Variants in ARSG observed in about 807,000 individuals in gnomAD.
The protein encoded by ARSG is arylsulfatase G, also known as ASG.
Under a neutral mutation model 50.5 loss-of-function variants are expected in ARSG, and 37 were observed. The ratio of observed to expected loss-of-function variants is 0.73; its 90% CI spans 0.56 to 0.96. The LOEUF (loss-of-function observed/expected upper bound fraction) is 0.96, where lower values mean the gene tolerates loss of function less well. Among genes scored for constraint, ARSG ranks in the 50% least tolerant of loss-of-function variants. The probability of loss-of-function intolerance (pLI) is 0.00; values close to 1 mark genes in which losing one functional copy is unlikely to be tolerated. For missense variants in ARSG, 629 were observed against 675.3 expected (o/e 0.93, Z 0.76); for synonymous variants, 225 against 254.6 (o/e 0.88, Z 1.11).
At chr17:68,384,632 A>G (rs1199262999) in intron 8 of ARSG, among the ~76,000 whole-genome samples, 1 of 152,206 alleles carries the variant, frequency 6.6e-6, no homozygotes, top group African/African-American at 2.4e-5. Flanking sequence ...TAATAGTTGT[A>G]TTTCTTCATC....
chr17:68,365,265 T>A (rs1230738572), intron 6 of ARSG, among the ~76,000 whole-genome samples: 1 of 152,164 alleles, frequency 6.6e-6, no homozygotes. Flanking sequence ...TGAGCCAAGA[T>A]CGCGCCACTG....
chr17:68,291,912 T>C (rs1555756292), intron 1 of ARSG, among the ~76,000 whole-genome samples: 1 of 151,448 alleles, frequency 6.6e-6, no homozygotes, highest in East Asian at 2.0e-4. Flanking sequence ...CGCGCGGCGC[T>C]CGCGGCTGCG....
In ARSG at chr17:68,385,107, G is replaced by T. The variant is rs77667421; in HGVS notation, c.1026G>T (p.Arg342=). ...AGACGACCTGGGAAGGAGGGCACCG[G>T]GTCCCAGCACTGGCTTACTGGCCTG... is the stretch of plus-strand genomic sequence containing the variant. ...AKQTTWEGGH[R]VPALAYWPGR... is the part of the protein sequence containing the mutation. The change falls in exon 9 of 12, where the codon CGG becomes CGT. Residue 342 remains arginine (R), a synonymous_variant. Coordinates refer to ENST00000621439, the MANE Select transcript of ARSG (RefSeq NM_001267727.2). 20 of 1,614,032 alleles carry T rather than the reference G, an allele frequency of 1.2e-5. No individual in the cohort carries two copies. The highest frequency in any genetic ancestry group is 1.6e-5 in the Non-Finnish European group (19 of 1,179,994).
intron 4 of ARSG, among the ~76,000 whole-genome samples, chr17:68,347,563 C>T (rs909457248): frequency 6.6e-6 from 1 of 152,206 alleles, no homozygotes; most frequent in Admixed American, 6.5e-5. Context: ...TAGACCCAAA[C>T]AGGAGATGCT....
At chr17:68,386,050 T>C (rs2080707521) in intron 9 of ARSG, among the ~76,000 whole-genome samples, 1 of 152,294 alleles carries the variant, frequency 6.6e-6, no homozygotes, top group East Asian at 1.9e-4. Context: ...ATCAGGTAAA[T>C]GTGATGTCTC....
intron 2 of ARSG, among the ~76,000 whole-genome samples, chr17:68,325,920 T>C (rs2077484749): frequency 6.6e-6 from 1 of 152,170 alleles, no homozygotes; most frequent in South Asian, 2.1e-4. Context: ...CTAGTTTGAT[T>C]AGCATGCAGT....
intron 2 of ARSG, among the ~76,000 whole-genome samples, chr17:68,337,789 G>T (rs1033322242): frequency 6.6e-6 from 1 of 151,950 alleles, no homozygotes. Context: ...GGCTAATTTT[G>T]TATTTTTAGT....
chr17:68,428,586 A>T, the ARSG span: 1 of 431,866 alleles, frequency 2.3e-6, no homozygotes. Flanking sequence ...TTAGGAGCAT[A>T]GGCTGAGGGG....
chr17:68,264,904 A>G (rs1444637042), intron 1 of ARSG, among the ~76,000 whole-genome samples: 1 of 151,940 alleles, frequency 6.6e-6, no homozygotes, highest in Non-Finnish European at 1.5e-5. Context: ...CTGTAATCCC[A>G]ACACTTTGGG....
chr17:68,449,881 C>T, the ARSG span, among the ~76,000 whole-genome samples: 8 of 152,104 alleles, frequency 5.3e-5, no homozygotes, highest in Non-Finnish European at 1.2e-4. Context: ...CGTGGTGGTG[C>T]CCACCTGTAG....
intron 4 of ARSG, among the ~76,000 whole-genome samples, chr17:68,347,568 G>A (rs1355000320): frequency 3.3e-5 from 5 of 152,198 alleles, no homozygotes; most frequent in African/African-American, 7.2e-5. Context: ...CCAAACAGGA[G>A]ATGCTGCCTC....
intron 1 of ARSG, chr17:68,268,788 C>T (rs3194531): frequency 1.3e-5 from 4 of 306,208 alleles, no homozygotes; most frequent in South Asian, 5.1e-5. Context: ...ATTTTAATAT[C>T]GGAATGTGAA....
chr17:68,327,598 C>T (rs576264453), intron 2 of ARSG, among the ~76,000 whole-genome samples: 1 of 152,310 alleles, frequency 6.6e-6, no homozygotes, highest in Admixed American at 6.5e-5. Context: ...ACAACAGTTA[C>T]ATTGCATCAA....
At position 68,351,675 on chromosome 17, in the gene ARSG, T is replaced by C. The variant is rs1473473621; in HGVS notation, c.555T>C (p.Asp185=). The change falls in exon 5 of 12, where the codon GAT becomes GAC. Residue 185 remains aspartate, a synonymous_variant. Transcript: ENST00000621439. ...CTTGTCCAGCGTGTCCACAGGGTGA[T>C]GGACCATCAAGGTAATGCTGTCTGA... ...HPPCPACPQG[D]GPSRNLQRDC... 1 of 1,610,978 alleles carries C rather than the reference T, an allele frequency of 6.2e-7. No homozygotes were observed. Among genetic ancestry groups the C allele is most frequent in the Non-Finnish European group, 8.5e-7 (1 of 1,177,178 alleles).
downstream of ARSG, among the ~76,000 whole-genome samples, chr17:68,426,360 C>T (rs939264575): frequency 3.9e-5 from 6 of 152,090 alleles, no homozygotes; most frequent in East Asian, 1.9e-4. Flanking sequence ...TTAAGCCTGA[C>T]CTGCCTTTCC....
the ARSG span, among the ~76,000 whole-genome samples, chr17:68,434,145 T>A: frequency 2.6e-5 from 4 of 152,206 alleles, no homozygotes; most frequent in Non-Finnish European, 5.9e-5. Flanking sequence ...TGTGCCTTCC[T>A]GGCATCTTGG....
upstream of ARSG, among the ~76,000 whole-genome samples, chr17:68,289,070 G>A (rs975226182): frequency 1.3e-5 from 2 of 152,136 alleles, no homozygotes; most frequent in Non-Finnish European, 2.9e-5. Context: ...TATTGGCCGG[G>A]TGCGGTAGCT....
intron 8 of ARSG, among the ~76,000 whole-genome samples, chr17:68,371,356 A>G (rs1285277366): frequency 6.7e-6 from 1 of 149,386 alleles, no homozygotes. Context: ...AGGCTCAGAG[A>G]GGGTAAGTAA....
upstream of ARSG, among the ~76,000 whole-genome samples, chr17:68,289,576 A>C (rs2075921439): frequency 6.6e-6 from 1 of 152,198 alleles, no homozygotes; most frequent in Non-Finnish European, 1.5e-5. Context: ...CAGCTTTGAC[A>C]AGTTGTTTCT....
Sources: allele counts gnomAD v4.1 joint callset (sites outside exome capture counted in the v4.1 genomes callset), GRCh38; gene constraint gnomAD v4.1.1; transcripts MANE v1.5; gene names NCBI Gene and HGNC (gene_info 2026-07-23, HGNC 2026-07-21).